The following ANKRD17 variants were observed in gnomAD, a reference collection of about 807,000 sequenced individuals.
The protein encoded by ANKRD17 is ankyrin repeat domain 17.
ANKRD17 carries 19 observed loss-of-function variants against 229.7 expected under a neutral mutation model. The ratio of observed to expected loss-of-function variants is 0.08; its 90% CI spans 0.06 to 0.12. The LOEUF (loss-of-function observed/expected upper bound fraction) is 0.12, where lower values mean the gene tolerates loss of function less well. ANKRD17 is among the 10% of genes least tolerant of loss of function. The pLI is 1.00. For missense variants in ANKRD17, 2,176 were observed against 3,176.8 expected (o/e 0.68, Z 7.57); for synonymous variants, 1,112 against 1,146.1 (o/e 0.97, Z 0.60).
At chr4:73,153,137 G>C (rs1005761260) in intron 6 of ANKRD17, among the ~76,000 whole-genome samples, 1 of 152,236 alleles carries the variant, frequency 6.6e-6, no homozygotes, top group South Asian at 2.1e-4. Flanking sequence ...TGAAAGGTTA[G>C]TCACTGAGAA....
At chr4:73,151,608 T>A in intron 6 of ANKRD17, 84 bp from the exon 7 acceptor site, 1 of 1,031,266 alleles carries the variant, frequency 9.7e-7, no homozygotes, top group Non-Finnish European at 1.3e-6. Flanking sequence ...TGAAAAGTTA[T>A]ATTTAACTTA....
chr4:73,108,843 A>C (rs1724953540), intron 24 of ANKRD17, among the ~76,000 whole-genome samples: 1 of 152,182 alleles, frequency 6.6e-6, no homozygotes, highest in African/African-American at 2.4e-5. Flanking sequence ...TGAAGTCAAA[A>C]GGTTTTCTGT....
chr4:73,116,003 T>G (rs1164303343), intron 22 of ANKRD17, 87 bp from the exon 23 acceptor site: 6 of 1,100,776 alleles, frequency 5.5e-6, no homozygotes, highest in Non-Finnish European at 6.9e-6. Flanking sequence ...CAGTTAAGAT[T>G]AGGGCCACAA....
chr4:73,242,107 C>A (rs2149263293), intron 1 of ANKRD17, among the ~76,000 whole-genome samples: 1 of 152,224 alleles, frequency 6.6e-6, no homozygotes, highest in South Asian at 2.1e-4. Context: ...TTACCACTGA[C>A]ATTCAACATT....
At chr4:73,200,491 G>C (rs2149104047) in intron 1 of ANKRD17, among the ~76,000 whole-genome samples, 1 of 152,224 alleles carries the variant, frequency 6.6e-6, no homozygotes, top group Non-Finnish European at 1.5e-5. Flanking sequence ...TGATTTAATA[G>C]TTTTGGGGAG....
rs566909434 is a variant in ANKRD17, at chr4:73,133,252, T to TA, written c.3234+1864dup. On this transcript the variant is annotated intron_variant, in intron 16 of 33. Coordinates refer to ENST00000358602, the MANE Select transcript of ANKRD17 (RefSeq NM_032217.5). ...GACAGAGCGAGACTCCGTCTCAAAA[T>TA]AAAAAAAAAATAAAAAGCCTCAAAG... 7.2e-4 allele frequency among the ~76,000 whole-genome samples: 100 copies of TA among 139,626 alleles called. 1 individual carries two copies. The South Asian group carries it at 0.017, about 24-fold the overall frequency. The allele number at this position is 139,626 out of a possible 152,430, so 91.6% of individuals were successfully genotyped here. A position where few individuals can be genotyped will look rare whatever the true frequency, so the allele number is the denominator to read the frequency against.
At chr4:73,190,456 G>A (rs181141385) in intron 1 of ANKRD17, among the ~76,000 whole-genome samples, 3 of 151,270 alleles carry the variant, frequency 2.0e-5, no homozygotes, top group Admixed American at 6.6e-5. Context: ...CATTTAAATC[G>A]GGGACAAGAT....
chr4:73,083,975 T>G (rs998404441), intron 30 of ANKRD17, among the ~76,000 whole-genome samples: 3 of 151,402 alleles, frequency 2.0e-5, no homozygotes, highest in African/African-American at 7.3e-5. Flanking sequence ...AGTCTTACTA[T>G]AACTTCCTTA....
intron 21 of ANKRD17, 117 bp from the exon 22 acceptor site, chr4:73,118,967 G>A: frequency 9.5e-7 from 1 of 1,050,288 alleles, no homozygotes; most frequent in Non-Finnish European, 1.3e-6. Context: ...GCTCACTGCA[G>A]CCTCCACCTC....
At chr4:73,168,941 C>A (rs1733603826) in intron 2 of ANKRD17, 1 of 152,182 alleles carries the variant, frequency 6.6e-6, no homozygotes, top group East Asian at 1.9e-4. Context: ...TCCTCCCATT[C>A]TCAAGTAGGC....
rs1440309928 is a variant in ANKRD17 at position 73,113,773 on chromosome 4, G to A, written c.4401+19C>T. 5.1e-6 allele frequency: 8 copies of A among 1,564,562 alleles called. No individual in the cohort carries two copies. The highest frequency in any genetic ancestry group is 7.0e-6 in the Non-Finnish European group (8 of 1,135,860). ...ATGGAAAAAAGTGGGTAGTTTTCAT[G>A]TGTAAAGATTATTGTTACCTTTTCC... On this transcript the variant is annotated intron_variant, in intron 24 of 33. Transcript: ENST00000358602.
chr4:73,200,970 T>C (rs1463362907), intron 1 of ANKRD17, among the ~76,000 whole-genome samples: 1 of 90,984 alleles, frequency 1.1e-5, no homozygotes, highest in African/African-American at 4.7e-5. Context: ...ATTAATCACC[T>C]GCTTAAACAG....
chr4:73,092,267 T>C lies in ANKRD17; in HGVS notation c.5361A>G (p.Gln1787=), dbSNP rs200851167. 5.0e-6 allele frequency: 8 copies of C among 1,613,816 alleles called. No individual in the cohort carries two copies. Among genetic ancestry groups the C allele is most frequent in the Admixed American group, 1.7e-5 (1 of 59,960 alleles). The change falls in exon 29 of 34, where the codon CAA becomes CAG. Residue 1787 remains glutamine (Q), a synonymous_variant. Coordinates refer to ENST00000358602, the MANE Select transcript of ANKRD17 (RefSeq NM_032217.5). ...GATCCTTGATCAAAGCATTAATCAA[T>C]TGAGTTGCTTGTCTTGTTGATTCAG... is the stretch of plus-strand genomic sequence containing the variant. ...GGTESTRQAT[Q]LINALIKDPD... is the part of the protein sequence containing the mutation.
intron 1 of ANKRD17, among the ~76,000 whole-genome samples, chr4:73,257,173 G>C (rs1745524202): frequency 6.6e-6 from 1 of 152,250 alleles, no homozygotes; most frequent in Middle Eastern, 3.4e-3. Flanking sequence ...TGCTGATAAA[G>C]ATTTCCCTCT....
At chr4:73,242,567 AATATTTCATGGTCACGTACAAAAG>A (rs1744138270) in intron 1 of ANKRD17, among the ~76,000 whole-genome samples, 1 of 152,206 alleles carries the variant, frequency 6.6e-6, no homozygotes, top group Non-Finnish European at 1.5e-5. Context: ...ATAATCTGAG[AATATTTCATGGTCACGTACAAAAG>A]ATGATTCTAA....
At chr4:73,140,984 T>C (rs1395403111) in intron 14 of ANKRD17, among the ~76,000 whole-genome samples, 1 of 152,138 alleles carries the variant, frequency 6.6e-6, no homozygotes, top group Non-Finnish European at 1.5e-5. Flanking sequence ...TGGCTATAGG[T>C]ATAGCAATCA....
At chr4:73,129,761 C>CT (rs768232283) in intron 16 of ANKRD17, among the ~76,000 whole-genome samples, 4,061 of 134,118 alleles carry the variant, frequency 0.03, 191 homozygotes, top group Admixed American at 0.11. Flanking sequence ...CTATTAATTA[C>CT]TTTTTTTTTT....
Position 73,092,313 on chromosome 4 carries a change from A to G in ANKRD17, c.5328-13T>C, listed in dbSNP as rs746516622. On this transcript the variant is annotated splice_polypyrimidine_tract_variant and intron_variant, in intron 28 of 33. Coordinates refer to ENST00000358602, the MANE Select transcript of ANKRD17 (RefSeq NM_032217.5). ...TTCAGTGCCACCCCTATAAATTGAG[A>G]AAAAAAAATTAGGTAGAATTTTCCC... The G allele has an allele frequency of 6.4e-6, 10 of 1,569,812 alleles. No homozygotes were observed. The highest frequency in any genetic ancestry group is 8.6e-6 in the Non-Finnish European group (10 of 1,161,322).
intron 8 of ANKRD17, among the ~76,000 whole-genome samples, chr4:73,147,968 G>A (rs1349261223): frequency 6.6e-6 from 1 of 151,962 alleles, no homozygotes; most frequent in Non-Finnish European, 1.5e-5. Flanking sequence ...CACTTAACAG[G>A]CACTACATGA....
Sources: allele counts gnomAD v4.1 joint callset (sites outside exome capture counted in the v4.1 genomes callset), GRCh38; gene constraint gnomAD v4.1.1; transcripts MANE v1.5; gene names NCBI Gene and HGNC (gene_info 2026-07-23, HGNC 2026-07-21).